The following STX8 variants were observed in gnomAD, a reference collection of about 807,000 sequenced individuals.
STX8 encodes syntaxin 8.
A neutral mutation model predicts 37.5 loss-of-function variants in STX8; 23 were observed. The observed-to-expected ratio is 0.61, with a 90% CI of 0.44 to 0.87. The LOEUF is 0.87. Among genes scored for constraint, STX8 ranks in the 40% least tolerant of loss-of-function variants. The pLI is 0.00. For missense variants in STX8, 313 were observed against 284.7 expected (o/e 1.10, Z -0.71); for synonymous variants, 115 against 99.1 (o/e 1.16, Z -0.95).
intron 4 of STX8, among the ~76,000 whole-genome samples, chr17:9,513,655 G>A (rs898547917): frequency 5.3e-5 from 8 of 152,304 alleles, no homozygotes; most frequent in South Asian, 2.1e-4. Context: ...ATATGATCCA[G>A]CAATCCCCCT....
At chr17:9,321,752 T>C (rs1298276215) in intron 7 of STX8, among the ~76,000 whole-genome samples, 1 of 152,026 alleles carries the variant, frequency 6.6e-6, no homozygotes, top group Non-Finnish European at 1.5e-5. Context: ...ACTCCTGACC[T>C]TGTGATCTGC....
chr17:9,456,414 T>C (rs771804278), intron 6 of STX8, among the ~76,000 whole-genome samples: 1 of 152,184 alleles, frequency 6.6e-6, no homozygotes, highest in Admixed American at 6.5e-5. Flanking sequence ...GATCTGAAAC[T>C]GGGCTGGGCC....
At chr17:9,444,091 C>T (rs1268858395) in intron 6 of STX8, among the ~76,000 whole-genome samples, 1 of 152,180 alleles carries the variant, frequency 6.6e-6, no homozygotes, top group Admixed American at 6.5e-5. Flanking sequence ...CTTCTATTTC[C>T]TGTCCACCAG....
chr17:9,325,138 T>C (rs1451796854), intron 7 of STX8, among the ~76,000 whole-genome samples: 2 of 152,164 alleles, frequency 1.3e-5, no homozygotes, highest in African/African-American at 4.8e-5. Flanking sequence ...TCTGAGCACC[T>C]TGAAGATAGG....
intron 3 of STX8, among the ~76,000 whole-genome samples, chr17:9,556,215 T>A (rs551350945): frequency 1.3e-5 from 2 of 152,294 alleles, no homozygotes; most frequent in South Asian, 2.1e-4. Context: ...TCCATTTTTT[T>A]ATCTAAAAAG....
intron 7 of STX8, among the ~76,000 whole-genome samples, chr17:9,319,925 G>A (rs1909518075): frequency 1.3e-5 from 2 of 151,758 alleles, no homozygotes; most frequent in South Asian, 4.2e-4. Flanking sequence ...ACTCTAGCCT[G>A]GGCAACATAG....
At chr17:9,511,406 A>G (rs1441219942) in intron 4 of STX8, among the ~76,000 whole-genome samples, 1 of 152,184 alleles carries the variant, frequency 6.6e-6, no homozygotes, top group Non-Finnish European at 1.5e-5. Flanking sequence ...ATAATATACC[A>G]TGATCAAGTG....
chr17:9,415,377 T>C (rs181849653), intron 6 of STX8, among the ~76,000 whole-genome samples: 221 of 152,272 alleles, frequency 1.5e-3, no homozygotes, highest in Admixed American at 4.7e-3. Flanking sequence ...CATTAACAAG[T>C]TCCTGGTATC....
At chr17:9,282,555 C>T (rs891149021) in intron 7 of STX8, among the ~76,000 whole-genome samples, 5 of 152,226 alleles carry the variant, frequency 3.3e-5, no homozygotes, top group Admixed American at 2.6e-4. Flanking sequence ...AACAGAAAGG[C>T]ACGCAGTTGG....
At chr17:9,412,780 TCA>T (rs1469675297) in intron 6 of STX8, among the ~76,000 whole-genome samples, 3 of 152,278 alleles carry the variant, frequency 2.0e-5, no homozygotes, top group African/African-American at 7.2e-5. Context: ...ACATATTTGT[TCA>T]CAGAGTGCTC....
intron 5 of STX8, among the ~76,000 whole-genome samples, chr17:9,500,151 G>A (rs1904559654): frequency 6.6e-6 from 1 of 152,104 alleles, no homozygotes; most frequent in Non-Finnish European, 1.5e-5. Context: ...GAGTCACGGT[G>A]TTTCACTGAC....
chr17:9,502,940 TA>T (rs1904673686), intron 5 of STX8, among the ~76,000 whole-genome samples: 1 of 151,450 alleles, frequency 6.6e-6, no homozygotes, highest in African/African-American at 2.4e-5. Context: ...CCATCTCTAC[TA>T]AAAATACAAA....
chr17:9,474,492 C>T (rs893025363), intron 6 of STX8, among the ~76,000 whole-genome samples: 1 of 152,056 alleles, frequency 6.6e-6, no homozygotes, highest in Non-Finnish European at 1.5e-5. Context: ...CCTGCCTCAG[C>T]CTCCCAAGTA....
intron 3 of STX8, among the ~76,000 whole-genome samples, chr17:9,549,625 C>T (rs1341599484): frequency 6.6e-6 from 1 of 152,122 alleles, no homozygotes; most frequent in African/African-American, 2.4e-5. Flanking sequence ...CAGAATATTC[C>T]CAGAGACTCT....
At chr17:9,546,594 T>TG (rs1906532325) in intron 3 of STX8, among the ~76,000 whole-genome samples, 10 of 112,244 alleles carry the variant, frequency 8.9e-5, no homozygotes, top group African/African-American at 3.5e-4. Flanking sequence ...AAAAGTGGTT[T>TG]TTTTTTTTTT....
chr17:9,270,185 A>C (rs1006669765), intron 7 of STX8, among the ~76,000 whole-genome samples: 1 of 152,222 alleles, frequency 6.6e-6, no homozygotes, highest in Non-Finnish European at 1.5e-5. Flanking sequence ...CATAGCTTAG[A>C]CTCAAATATC....
chr17:9,332,644 G>A (rs141752435), intron 7 of STX8, among the ~76,000 whole-genome samples: 22 of 152,320 alleles, frequency 1.4e-4, no homozygotes, highest in African/African-American at 5.1e-4. Context: ...CAATCTTAAC[G>A]ATGTTAATAA....
intron 7 of STX8, among the ~76,000 whole-genome samples, chr17:9,278,613 G>A (rs1036515320): frequency 5.9e-5 from 9 of 152,178 alleles, no homozygotes; most frequent in Non-Finnish European, 1.3e-4. Context: ...GGTAGGTGGC[G>A]TTCTGGATAT....
chr17:9,487,106 T>C (rs1485109029), intron 6 of STX8, among the ~76,000 whole-genome samples: 1 of 152,194 alleles, frequency 6.6e-6, no homozygotes, highest in South Asian at 2.1e-4. Context: ...AACAGGGTAA[T>C]TACTGGGGTT....
Sources: gnomAD v4.1 joint callset for allele counts (sites outside exome capture counted in the v4.1 genomes callset) on GRCh38, gnomAD v4.1.1 for gene constraint, MANE v1.5 for transcripts, NCBI Gene and HGNC (gene_info 2026-07-23, HGNC 2026-07-21) for gene names.